Variants in LMF2 observed in about 807,000 individuals in gnomAD.
LMF2 encodes the protein lipase maturation factor 2.
A neutral mutation model predicts 81.5 loss-of-function variants in LMF2; 113 were observed. The ratio of observed to expected loss-of-function variants is 1.39; its 90% CI spans 1.19 to 1.62. The LOEUF is 1.62. Among genes scored for constraint, LMF2 ranks in the 40% most tolerant of loss-of-function variants. The probability of loss-of-function intolerance (pLI) is 0.00; values close to 1 mark genes in which losing one functional copy is unlikely to be tolerated. For synonymous variants in LMF2, 645 were observed against 424.5 expected (o/e 1.52, Z -6.39); for missense variants, 1,235 against 929.1 (o/e 1.33, Z -4.28).
chr22:50,503,251 C>G lies in LMF2; in HGVS notation c.*140G>C. The G allele has an allele frequency of 1.1e-6, 1 of 902,216 alleles. No homozygotes were observed. The highest frequency in any genetic ancestry group is 1.7e-5 in the South Asian group (1 of 59,874). 55.9% of individuals were successfully genotyped at this position (902,216 alleles called of 1,614,324 possible). On this transcript the variant is annotated 3_prime_UTR_variant, in exon 14 of 14. Coordinates refer to ENST00000474879, the MANE Select transcript of LMF2 (RefSeq NM_033200.3). Reference sequence around the variant, plus strand: ...CTGGAGCCCTCAATGCAGCACCCTGCAAACCCCAGGGGCAGCCCCCCAACC... The same window carrying G: ...CTGGAGCCCTCAATGCAGCACCCTGGAAACCCCAGGGGCAGCCCCCCAACC...
At chr22:50,507,345 C>T (rs992133217) in intron 1 of LMF2, 3 of 604,120 alleles carry the variant, frequency 5.0e-6, no homozygotes, top group Middle Eastern at 4.4e-4. Flanking sequence ...TCTCTCCCAC[C>T]TCTCTCAGAG....
chr22:50,505,115 G>A lies in LMF2; in HGVS notation c.1196C>T (p.Ala399Val), dbSNP rs764128075. Reference protein sequence around the residue: ...QVRGWLRKLSAVVQLSLVGTA... With the variant: ...QVRGWLRKLSVVVQLSLVGTA... Reference sequence around the variant, plus strand: ...GCCCACAAGGGACAGTTGGACTACAGCACTGAGCTTCCGTAGCCAGCCCCG... The same window carrying A: ...GCCCACAAGGGACAGTTGGACTACAACACTGAGCTTCCGTAGCCAGCCCCG... Residue 399 changes from alanine (A) to valine (V), a missense_variant, in exon 9 of 14, where the codon GCT (alanine) becomes GTT (valine). Coordinates refer to ENST00000474879, the MANE Select transcript of LMF2 (RefSeq NM_033200.3). 5 of 1,612,868 alleles carry A rather than the reference G, an allele frequency of 3.1e-6. No homozygotes were observed. The highest frequency in any genetic ancestry group is 2.2e-5 in the South Asian group (2 of 91,090).
chr22:50,505,481 C>G lies in LMF2; in HGVS notation c.973G>C (p.Gly325Arg). 1 of 1,612,914 alleles carries G rather than the reference C, an allele frequency of 6.2e-7. No homozygotes were observed. Among genetic ancestry groups the G allele is most frequent in the African/African-American group, 1.3e-5 (1 of 75,068 alleles). ...TGCACAGTGCCATAGGCCAGAAGCC[C>G]GTAGACGGCTAGTTCCAGCAGCAGC... The part of the protein sequence containing the change: ...LSLLLELAVY[G>R]LLAYGTVHYF... The change falls in exon 7 of 14, where the codon GGG (glycine) becomes CGG (arginine). Residue 325 changes from glycine to arginine, a missense_variant. Gly to Arg is a moderately radical substitution (Grantham distance 125). Coordinates refer to ENST00000474879, the MANE Select transcript of LMF2 (RefSeq NM_033200.3).
intron 3 of LMF2, 53 bp from the exon 4 acceptor site, chr22:50,506,555 T>C: frequency 6.3e-7 from 1 of 1,582,782 alleles, no homozygotes; most frequent in Non-Finnish European, 8.6e-7. Context: ...GCTGCTTCCC[T>C]CGGAAAGTCC....
rs1310923688 is a variant in LMF2, at chr22:50,504,942, A to C, written c.1297T>G (p.Trp433Gly). ...YVEPGTHGRL[W>G]TGAHRLFGAV... is the part of the protein sequence containing the mutation. ...CCAAACAGGCGGTGGGCCCCGGTCCAGAGGCGCCCGTGGGTCCCGGGCTCC... is the reference window on the plus strand; with the variant it reads ...CCAAACAGGCGGTGGGCCCCGGTCCCGAGGCGCCCGTGGGTCCCGGGCTCC... The change falls in exon 10 of 14, where the codon TGG (tryptophan) becomes GGG (glycine). Residue 433 changes from tryptophan to glycine, a missense_variant. By Grantham distance (184) the Trp-to-Gly change is radical (BLOSUM62 -2). Coordinates refer to ENST00000474879, the MANE Select transcript of LMF2 (RefSeq NM_033200.3). The C allele has an allele frequency of 1.2e-6, 2 of 1,607,752 alleles. No individual in the cohort carries two copies. Among genetic ancestry groups the C allele is most frequent in the Non-Finnish European group, 8.5e-7 (1 of 1,176,772 alleles).
In LMF2 at chr22:50,503,116, G is replaced by A. The variant is rs572647729; in HGVS notation, c.*275C>T. ...GGGGCTCTAGACTCAGACCCCCACA[G>A]CCCAGGGCAGGGGAAGGGTCTTGAG... is the stretch of plus-strand genomic sequence containing the variant. On this transcript the variant is annotated 3_prime_UTR_variant, in exon 14 of 14. Coordinates refer to ENST00000474879, the MANE Select transcript of LMF2 (RefSeq NM_033200.3). 6.6e-5 allele frequency: 30 copies of A among 452,342 alleles called. No individual in the cohort carries two copies. Among genetic ancestry groups the A allele is most frequent in the African/African-American group, 2.3e-4 (11 of 48,028 alleles). 28.0% of individuals were successfully genotyped at this position (452,342 alleles called of 1,614,324 possible).
chr22:50,505,628 G>A (rs1047114983), intron 6 of LMF2, 46 bp downstream of exon 6: 3 of 1,611,484 alleles, frequency 1.9e-6, no homozygotes, highest in South Asian at 1.1e-5. Context: ...GGGTGTTGGA[G>A]GGGAGAACCC....
In LMF2 at chr22:50,503,805, T is replaced by A. The variant is rs767660451; in HGVS notation, c.1815+3A>T. 6.9e-6 allele frequency: 11 copies of A among 1,604,400 alleles called. No individual in the cohort carries two copies. Among genetic ancestry groups the A allele is most frequent in the Admixed American group, 1.7e-5 (1 of 59,918 alleles). ...TCCCCCAGCCTGGCTGACACCCCCTTACCTGTAGTCCAAACTGCCTGAGCA... is the reference window on the plus strand; with the variant it reads ...TCCCCCAGCCTGGCTGACACCCCCTAACCTGTAGTCCAAACTGCCTGAGCA... On this transcript the variant is annotated splice_donor_region_variant and intron_variant, in intron 13 of 13. Coordinates refer to ENST00000474879, the MANE Select transcript of LMF2 (RefSeq NM_033200.3).
At position 50,503,174 on chromosome 22, in the gene LMF2, G is replaced by A. The variant is rs972326414; in HGVS notation, c.*217C>T. On this transcript the variant is annotated 3_prime_UTR_variant, in exon 14 of 14. Transcript: ENST00000474879. ...GTGTTTTCCTCCTGGGCCAATCACA[G>A]AGGCAATAGTGGGAGTCCTGGGGAG... 1 of 538,830 alleles carries A rather than the reference G, an allele frequency of 1.9e-6. No individual in the cohort carries two copies. The highest frequency in any genetic ancestry group is 3.2e-6 in the Non-Finnish European group (1 of 310,304). The allele number at this position is 538,830 out of a possible 1,614,324, so 33.4% of individuals were successfully genotyped here.
Position 50,504,382 on chromosome 22 carries a change from G to A in LMF2, c.1676C>T (p.Ala559Val), listed in dbSNP as rs2068495123. The A allele has an allele frequency of 1.2e-6, 2 of 1,612,270 alleles. No homozygotes were observed. Among genetic ancestry groups the A allele is most frequent in the Non-Finnish European group, 1.7e-6 (2 of 1,179,624 alleles). Residue 559 changes from alanine (A) to valine (V), a missense_variant, in exon 12 of 14, where the codon GCC becomes GTC. Transcript: ENST00000474879. ...FHKQPPTYVR[A>V]QRYKYWFSQP... ...GGAGAACCAGTACTTGTAGCGCTGG[G>A]CTCGGACGTAGGTGGGCGGCTGCTT...
At chr22:50,506,000 T>G in intron 5 of LMF2, 35 bp downstream of exon 5, 1 of 1,566,942 alleles carries the variant, frequency 6.4e-7, no homozygotes. Flanking sequence ...CCGAGCCCTG[T>G]CTGCCTCTCT....
rs145929412 is a variant in LMF2 at position 50,503,348 on chromosome 22, C to T, written c.*43G>A. 647 of 1,600,508 alleles carry T rather than the reference C, an allele frequency of 4.0e-4. 4 individuals are homozygous for T. In the African/African-American group the frequency reaches 7.8e-3, roughly 19 times the overall value. ...GTCCTGCCGGAGGCCAGAGCACTCCCGGCGACCTGGCCCTCTCAGGACGTG... is the reference window on the plus strand; with the variant it reads ...GTCCTGCCGGAGGCCAGAGCACTCCTGGCGACCTGGCCCTCTCAGGACGTG... On this transcript the variant is annotated 3_prime_UTR_variant, in exon 14 of 14. Transcript: ENST00000474879.
chr22:50,506,557 G>T, intron 3 of LMF2, 55 bp from the exon 4 acceptor site: 1 of 1,583,748 alleles, frequency 6.3e-7, no homozygotes, highest in Non-Finnish European at 8.6e-7. Context: ...TGCTTCCCTC[G>T]GAAAGTCCTC....
In LMF2 at chr22:50,505,296, G is replaced by T. The variant is rs747131706; in HGVS notation, c.1090C>A (p.Leu364Met). ...CCCAGCCACACAGTGGGCAGCGTCA[G>T]TGTCTTCAGCCACTGAGAAAACTGG... Reference protein sequence around the residue: ...FHQFSQWLKTLTLPTVWLGVA... With the variant: ...FHQFSQWLKTMTLPTVWLGVA... Residue 364 changes from leucine to methionine, a missense_variant, in exon 8 of 14, where the codon CTG (leucine) becomes ATG (methionine). Coordinates refer to ENST00000474879, the MANE Select transcript of LMF2 (RefSeq NM_033200.3). The T allele has an allele frequency of 6.2e-7, 1 of 1,613,336 alleles. No homozygotes were observed. The highest frequency in any genetic ancestry group is 1.3e-5 in the African/African-American group (1 of 75,068).
intron 1 of LMF2, 168 bp from the exon 2 acceptor site, chr22:50,507,203 T>A: frequency 8.6e-7 from 1 of 1,161,846 alleles, no homozygotes; most frequent in Non-Finnish European, 1.2e-6. Flanking sequence ...TCGGGACCTG[T>A]CAAAACCCCG....
intron 1 of LMF2, 89 bp from the exon 2 acceptor site, chr22:50,507,124 G>A (rs974923684): frequency 6.7e-7 from 1 of 1,493,884 alleles, no homozygotes; most frequent in Non-Finnish European, 8.9e-7. Flanking sequence ...CCCCAGCCTA[G>A]GTCAGAGCAT....
intron 3 of LMF2, 54 bp from the exon 4 acceptor site, chr22:50,506,556 C>G: frequency 1.3e-6 from 2 of 1,582,610 alleles, no homozygotes; most frequent in East Asian, 2.2e-5. Context: ...CTGCTTCCCT[C>G]GGAAAGTCCT....
chr22:50,504,404 G>A lies in LMF2; in HGVS notation c.1654C>T (p.Gln552Ter), dbSNP rs2068496101. The change falls in exon 12 of 14, where the codon CAG becomes TAG. Residue 552 changes from glutamine (Q) to a stop codon, truncating the protein, a stop_gained. Coordinates refer to ENST00000474879, the MANE Select transcript of LMF2 (RefSeq NM_033200.3). LOFTEE classifies it high-confidence loss of function. Reference sequence around the variant, plus strand: ...TGGGCTCGGACGTAGGTGGGCGGCTGCTTGTGGAAGGGATACCTGGCCACT... The same window carrying A: ...TGGGCTCGGACGTAGGTGGGCGGCTACTTGTGGAAGGGATACCTGGCCACT... ...SQVARYPFHK[Q>*]PPTYVRAQRY... The A allele has an allele frequency of 1.2e-6, 2 of 1,612,396 alleles. No homozygotes were observed. The highest frequency in any genetic ancestry group is 1.7e-6 in the Non-Finnish European group (2 of 1,179,690).
Position 50,505,132 on chromosome 22 carries a change from C to T in LMF2, c.1179G>A (p.Trp393Ter), listed in dbSNP as rs1318411420. The T allele has an allele frequency of 3.1e-6, 5 of 1,612,966 alleles. No homozygotes were observed. The Admixed American group carries it at 6.7e-5, about 21-fold the overall frequency. ...ALWRWTQVRG[W>*]LRKLSAVVQL... ...GGACTACAGCACTGAGCTTCCGTAG[C>T]CAGCCCCGCACCTGGGTCCACCTGT... The change falls in exon 9 of 14, where the codon TGG (tryptophan) becomes TGA (stop). Residue 393 changes from tryptophan to a stop codon, truncating the protein, a stop_gained. Transcript: ENST00000474879. LOFTEE classifies it high-confidence loss of function.
Sources: allele counts gnomAD v4.1 joint callset, GRCh38; gene constraint gnomAD v4.1.1; transcripts MANE v1.5; gene names NCBI Gene and HGNC (gene_info 2026-07-23, HGNC 2026-07-21).